Variants in YEATS4 observed in about 807,000 individuals in gnomAD.
YEATS4 encodes YEATS domain-containing protein 4.
YEATS4 carries 17 observed loss-of-function variants against 30.1 expected under a neutral mutation model. The observed-to-expected ratio is 0.56, with a 90% CI of 0.39 to 0.85. The LOEUF (loss-of-function observed/expected upper bound fraction) is 0.85, where lower values mean the gene tolerates loss of function less well. Among genes scored for constraint, YEATS4 ranks in the 40% least tolerant of loss-of-function variants. The pLI is 0.00. For missense variants in YEATS4, 142 were observed against 268.3 expected (o/e 0.53, Z 3.29); for synonymous variants, 85 against 87.5 (o/e 0.97, Z 0.16).
chr12:69,381,512 C>T (rs1032935284), intron 6 of YEATS4, among the ~76,000 whole-genome samples: 1 of 152,136 alleles, frequency 6.6e-6, no homozygotes, highest in African/African-American at 2.4e-5. Context: ...CATACATCCT[C>T]CTCAGCTTAC....
At chr12:69,376,025 A>T (rs906176917) in intron 6 of YEATS4, among the ~76,000 whole-genome samples, 1 of 152,168 alleles carries the variant, frequency 6.6e-6, no homozygotes. Flanking sequence ...TTTGTTTATC[A>T]ACTCTTAATA....
chr12:69,371,074 G>C (rs1031919671), intron 6 of YEATS4, 99 bp downstream of exon 6: 13 of 1,177,180 alleles, frequency 1.1e-5, no homozygotes, highest in Non-Finnish European at 1.5e-5. Flanking sequence ...AAATGAAATA[G>C]GTAAGTTTTT....
the YEATS4 span, among the ~76,000 whole-genome samples, chr12:69,413,713 A>C: frequency 6.6e-6 from 1 of 152,112 alleles, no homozygotes; most frequent in South Asian, 2.1e-4. Context: ...TTAGCCAGGC[A>C]TGATGGTGCA....
chr12:69,389,332 C>A (rs567483750), intron 6 of YEATS4, among the ~76,000 whole-genome samples: 2 of 151,510 alleles, frequency 1.3e-5, no homozygotes, highest in South Asian at 4.2e-4. Context: ...CACCTGTAGT[C>A]CCAACTACTC....
chr12:69,403,469 C>T, the YEATS4 span, among the ~76,000 whole-genome samples: 5 of 151,422 alleles, frequency 3.3e-5, no homozygotes, highest in South Asian at 2.1e-4. Flanking sequence ...CCCAGCTACT[C>T]GGGAGGCTAA....
In YEATS4 at chr12:69,365,825, G is replaced by A; in HGVS notation, c.274G>A (p.Gly92Arg). The part of the protein sequence containing the change: ...TKPPYEITET[G>R]WGEFEIIIKI... ...ACCTCCATATGAAATTACTGAAACA[G>A]GATGGGGTGAATTCGAAATAATCAT... The change falls in exon 4 of 7, where the codon GGA becomes AGA. Residue 92 changes from glycine (G) to arginine (R), a missense_variant. Transcript: ENST00000247843. 2.5e-6 allele frequency: 4 copies of A among 1,610,978 alleles called. No individual in the cohort carries two copies. The highest frequency in any genetic ancestry group is 3.4e-6 in the Non-Finnish European group (4 of 1,179,040).
intron 6 of YEATS4, among the ~76,000 whole-genome samples, chr12:69,387,527 T>C (rs906537066): frequency 6.6e-6 from 1 of 152,218 alleles, no homozygotes; most frequent in Admixed American, 6.5e-5. Context: ...ATGGAGATAC[T>C]CTGAGTGTAC....
the YEATS4 span, among the ~76,000 whole-genome samples, chr12:69,405,831 G>C: frequency 6.6e-6 from 1 of 152,212 alleles, no homozygotes; most frequent in Non-Finnish European, 1.5e-5. Context: ...TTGACCACAG[G>C]TAATTGAAAC....
chr12:69,372,808 G>A (rs1348152007), intron 6 of YEATS4, among the ~76,000 whole-genome samples: 1 of 152,028 alleles, frequency 6.6e-6, no homozygotes, highest in African/African-American at 2.4e-5. Flanking sequence ...AAAGTGCTAG[G>A]ATTATAGGCA....
chr12:69,385,103 G>A (rs1565681817), intron 6 of YEATS4, among the ~76,000 whole-genome samples: 1 of 151,948 alleles, frequency 6.6e-6, no homozygotes, highest in Non-Finnish European at 1.5e-5. Context: ...CCTCAAACTT[G>A]GGGGCTCACA....
At chr12:69,388,457 G>T (rs1272877539) in intron 6 of YEATS4, among the ~76,000 whole-genome samples, 1 of 152,064 alleles carries the variant, frequency 6.6e-6, no homozygotes, top group Non-Finnish European at 1.5e-5. Flanking sequence ...CCATAGTTGG[G>T]TTTTTTTCCC....
At chr12:69,362,017 T>TTGCTTTTTTTTG (rs374178277) in intron 1 of YEATS4, among the ~76,000 whole-genome samples, 1 of 131,530 alleles carries the variant, frequency 7.6e-6, no homozygotes, top group African/African-American at 2.9e-5. Context: ...TTGGTTGTTT[T>TTGCTTTTTTTTG]TTTTTTTTTT....
chr12:69,374,727 CAGA>C (rs1308288977), intron 6 of YEATS4, among the ~76,000 whole-genome samples: 6 of 151,660 alleles, frequency 4.0e-5, no homozygotes, highest in Admixed American at 3.3e-4. Context: ...CATCCCAAGG[CAGA>C]AGAATTTTTC....
chr12:69,370,110 ATTT>A (rs1429332172), intron 4 of YEATS4, among the ~76,000 whole-genome samples: 3 of 152,122 alleles, frequency 2.0e-5, no homozygotes, highest in African/African-American at 7.2e-5. Flanking sequence ...TCCGAACTAG[ATTT>A]TATTTTGCTG....
chr12:69,362,013 G>GTCTTTTTTTTTTTTTTT (rs1875231154), intron 1 of YEATS4, among the ~76,000 whole-genome samples: 1 of 69,080 alleles, frequency 1.4e-5, no homozygotes, highest in African/African-American at 5.0e-5. Context: ...GTGTTTGGTT[G>GTCTTTTTTTTTTTTTTT]TTTTTTTTTT....
the YEATS4 span, among the ~76,000 whole-genome samples, chr12:69,404,099 G>A: frequency 3.5e-4 from 53 of 152,042 alleles, no homozygotes; most frequent in African/African-American, 1.1e-3. Flanking sequence ...ACAATTTCAC[G>A]CTAATTGTCA....
the YEATS4 span, among the ~76,000 whole-genome samples, chr12:69,413,807 G>A: frequency 9.5e-3 from 1,408 of 147,436 alleles, 8 homozygotes; most frequent in Middle Eastern, 0.018. Flanking sequence ...AGCTGAGATC[G>A]CACCACTGCA....
At chr12:69,389,855 A>G (rs1281987931) in intron 6 of YEATS4, among the ~76,000 whole-genome samples, 1 of 151,944 alleles carries the variant, frequency 6.6e-6, no homozygotes, top group Non-Finnish European at 1.5e-5. Context: ...GTGCCCCCTT[A>G]TTTCAATCTT....
chr12:69,391,740 CATG>C (rs531265750), downstream of YEATS4, among the ~76,000 whole-genome samples: 176 of 152,278 alleles, frequency 1.2e-3, 4 homozygotes, highest in Middle Eastern at 0.02. Flanking sequence ...CCAGGCTTAT[CATG>C]ATAAGATTTC....
Sources: gnomAD v4.1 joint callset for allele counts (sites outside exome capture counted in the v4.1 genomes callset) on GRCh38, gnomAD v4.1.1 for gene constraint, MANE v1.5 for transcripts, NCBI Gene and HGNC (gene_info 2026-07-23, HGNC 2026-07-21) for gene names.